The following CGNL1 variants were observed in gnomAD, a reference collection of about 807,000 sequenced individuals.
CGNL1 encodes cingulin like 1.
CGNL1 carries 132 observed loss-of-function variants against 141.2 expected under a neutral mutation model. That is an observed-to-expected ratio of 0.93 (90% CI 0.81 to 1.08). The LOEUF is 1.08. CGNL1 is among the 50% of genes least tolerant of loss of function. The probability of loss-of-function intolerance (pLI) is 0.00; values close to 1 mark genes in which losing one functional copy is unlikely to be tolerated. For synonymous variants in CGNL1, 690 were observed against 622.1 expected, an observed-to-expected ratio of 1.11 and a Z score of -1.63; for missense variants, 1,870 against 1,588.6, an observed-to-expected ratio of 1.18 and a Z score of -3.01.
intron 1 of CGNL1, among the ~76,000 whole-genome samples, chr15:57,431,524 T>G (rs2063044484): frequency 6.6e-6 from 1 of 152,208 alleles, no homozygotes; most frequent in African/African-American, 2.4e-5. Flanking sequence ...CAATTTCATC[T>G]GGTTGAGGTT....
In CGNL1 at chr15:57,531,884, C is replaced by T; in HGVS notation, c.3291+105C>T. ...TAAGTCCAGGAGAGAAAAATTCATG[C>T]CATCTAGAAATTGATGGAAGATTGA... On this transcript the variant is annotated intron_variant, in intron 14 of 18. Transcript: ENST00000281282. The T allele has an allele frequency of 9.9e-6, 7 of 707,756 alleles. 1 individual carries two copies. The highest frequency in any genetic ancestry group is 1.8e-5 in the Non-Finnish European group (7 of 399,908). The allele number at this position is 707,756 out of a possible 1,614,324, so 43.8% of individuals were successfully genotyped here.
intron 1 of CGNL1, among the ~76,000 whole-genome samples, chr15:57,378,738 A>G (rs1316888840): frequency 2.0e-5 from 3 of 152,174 alleles, no homozygotes; most frequent in Non-Finnish European, 2.9e-5. Flanking sequence ...GCTGAAGTGA[A>G]AGAACATTTA....
chr15:57,504,251 A>G (rs186799175), intron 8 of CGNL1, among the ~76,000 whole-genome samples: 1 of 152,322 alleles, frequency 6.6e-6, no homozygotes, highest in East Asian at 1.9e-4. Context: ...TATGTCAGGT[A>G]CTATCATTGC....
intron 8 of CGNL1, among the ~76,000 whole-genome samples, chr15:57,482,754 A>T (rs566642974): frequency 1.3e-5 from 2 of 150,462 alleles, no homozygotes; most frequent in African/African-American, 4.9e-5. Context: ...TGTTTTAGCT[A>T]TTCTAGTTAC....
intron 7 of CGNL1, among the ~76,000 whole-genome samples, chr15:57,454,854 G>A (rs1349322639): frequency 2.7e-5 from 4 of 150,718 alleles, no homozygotes; most frequent in African/African-American, 9.7e-5. Context: ...GAAGATATAT[G>A]TATTTATCAC....
At position 57,438,602 on chromosome 15, in the gene CGNL1, C is replaced by G; in HGVS notation, c.603C>G (p.Thr201=). The G allele has an allele frequency of 1.2e-6, 2 of 1,613,832 alleles. No individual in the cohort carries two copies. Among genetic ancestry groups the G allele is most frequent in the Non-Finnish European group, 1.7e-6 (2 of 1,180,038 alleles). The stretch of plus-strand genomic sequence containing the variant: ...CCAAACCTAGCAATTCCCAGCCTAC[C>G]AGTCCCTCCTTGGAAGACCCGGCCA... ...CFPKPSNSQP[T]SPSLEDPAKS... Residue 201 remains threonine (T), a synonymous_variant, in exon 2 of 19, where the codon ACC becomes ACG. Transcript: ENST00000281282.
intron 14 of CGNL1, among the ~76,000 whole-genome samples, chr15:57,539,768 TC>T (rs1251219589): frequency 2.0e-5 from 3 of 152,108 alleles, no homozygotes; most frequent in African/African-American, 7.2e-5. Context: ...TTGGAGGGGA[TC>T]CCCAGGGCAC....
At chr15:57,538,867 G>T (rs778271641) in intron 14 of CGNL1, among the ~76,000 whole-genome samples, 1 of 152,138 alleles carries the variant, frequency 6.6e-6, no homozygotes, top group Non-Finnish European at 1.5e-5. Context: ...GGTCCTACAG[G>T]TTTGCGAAGA....
rs184073077 is a variant in CGNL1 at position 57,411,179 on chromosome 15, C to T, written c.-15-26806C>T. ...ACACAGAGACTTTTCTGACATGAGC[C>T]GGTCTCTGAGTCTTCCTTTTTAGAA... is the stretch of plus-strand genomic sequence containing the variant. On this transcript the variant is annotated intron_variant, in intron 1 of 18. Transcript: ENST00000281282. Among the ~76,000 whole-genome samples the T allele has an allele frequency of 1.6e-3, 239 of 152,286 alleles. 1 individual carries two copies. Among genetic ancestry groups the T allele is most frequent in the Middle Eastern group, 3.4e-3 (1 of 294 alleles).
In CGNL1 at chr15:57,538,532, C is replaced by A. The variant is rs2032388964; in HGVS notation, c.3292-5164C>A. ...CTCTCCAGGGGCCCTCCAGGGAGGT[C>A]TTGAACCTGTGGGGACCCTTGGGGA... On this transcript the variant is annotated intron_variant, in intron 14 of 18. Coordinates refer to ENST00000281282, the MANE Select transcript of CGNL1 (RefSeq NM_032866.5). Among the ~76,000 whole-genome samples the A allele has an allele frequency of 2.0e-5, 3 of 152,134 alleles. No homozygotes were observed. In the South Asian group the frequency reaches 6.2e-4, roughly 32 times the overall value.
chr15:57,525,943 A>G (rs1423604645), intron 12 of CGNL1, among the ~76,000 whole-genome samples: 5 of 152,178 alleles, frequency 3.3e-5, no homozygotes, highest in African/African-American at 9.7e-5. Flanking sequence ...GGATTCAGGT[A>G]TCTGCCAGAA....
intron 7 of CGNL1, among the ~76,000 whole-genome samples, chr15:57,458,944 GC>G (rs1465314473): frequency 6.6e-6 from 1 of 152,224 alleles, no homozygotes; most frequent in African/African-American, 2.4e-5. Flanking sequence ...GTGCAATGCA[GC>G]CCCACCCTGG....
At chr15:57,456,622 T>A (rs1032184668) in intron 7 of CGNL1, among the ~76,000 whole-genome samples, 2 of 152,042 alleles carry the variant, frequency 1.3e-5, no homozygotes, top group African/African-American at 4.8e-5. Context: ...AATAGATGAT[T>A]CTGAAATTTT....
chr15:57,541,792 G>T (rs1271655851), intron 14 of CGNL1, among the ~76,000 whole-genome samples: 1 of 152,200 alleles, frequency 6.6e-6, no homozygotes, highest in Non-Finnish European at 1.5e-5. Flanking sequence ...TTGCATAACC[G>T]CTGCCGTAGG....
rs142180169 is a variant in CGNL1 at position 57,438,694 on chromosome 15, C to T, written c.695C>T (p.Ser232Leu). ...VVIEDPKKQT[S>L]VCVNVQSCTK... The stretch of plus-strand genomic sequence containing the variant: ...ATAGAGGACCCCAAAAAGCAGACCT[C>T]AGTGTGTGTAAACGTTCAGAGCTGC... The change falls in exon 2 of 19, where the codon TCA (serine) becomes TTA (leucine). Residue 232 changes from serine to leucine, a missense_variant. Transcript: ENST00000281282. 1.9e-6 allele frequency: 3 copies of T among 1,614,060 alleles called. No individual in the cohort carries two copies. The highest frequency in any genetic ancestry group is 2.7e-5 in the African/African-American group (2 of 74,926).
At chr15:57,416,198 T>C (rs1567103322) in intron 1 of CGNL1, among the ~76,000 whole-genome samples, 1 of 48,366 alleles carries the variant, frequency 2.1e-5, no homozygotes, top group African/African-American at 5.7e-5. Flanking sequence ...TTGCTCAGTG[T>C]TTTTTTTTTT....
chr15:57,402,026 C>G (rs2062665826), intron 1 of CGNL1: 1 of 152,190 alleles, frequency 6.6e-6, no homozygotes, highest in Non-Finnish European at 1.5e-5. Flanking sequence ...CAGCAGCCAT[C>G]TTGGATTGTG....
chr15:57,485,468 A>G (rs1002488174), intron 8 of CGNL1, among the ~76,000 whole-genome samples: 1 of 152,226 alleles, frequency 6.6e-6, no homozygotes, highest in African/African-American at 2.4e-5. Flanking sequence ...TAGTTGGACA[A>G]GTTATCTTTA....
Position 57,482,648 on chromosome 15 carries a change from A to G in CGNL1, c.2403+20756A>G, listed in dbSNP as rs550694156. Among the ~76,000 whole-genome samples the G allele has an allele frequency of 3.2e-4, 49 of 152,288 alleles. 2 individuals carry two copies. Among genetic ancestry groups the G allele is most frequent in the Middle Eastern group, 3.4e-3 (1 of 294 alleles). ...TTCTGTTTCATTGACCTGTGTGTCTATCCCTCTACCAGTATCACATAGTTT... is the reference window on the plus strand; with the variant it reads ...TTCTGTTTCATTGACCTGTGTGTCTGTCCCTCTACCAGTATCACATAGTTT... On this transcript the variant is annotated intron_variant, in intron 8 of 18. Transcript: ENST00000281282.
Sources: allele counts gnomAD v4.1 joint callset (sites outside exome capture counted in the v4.1 genomes callset), GRCh38; gene constraint gnomAD v4.1.1; transcripts MANE v1.5; gene names NCBI Gene and HGNC (gene_info 2026-07-23, HGNC 2026-07-21).